The following RBMS3 variants were observed in gnomAD, a reference collection of about 807,000 sequenced individuals.
RBMS3 encodes RNA binding motif single stranded interacting protein 3.
Under a neutral mutation model 66.8 loss-of-function variants are expected in RBMS3, and 27 were observed. The ratio of observed to expected loss-of-function variants is 0.40; its 90% CI spans 0.30 to 0.56. The LOEUF is 0.56. Among genes scored for constraint, RBMS3 ranks in the 20% least tolerant of loss-of-function variants. The pLI is 0.40. For synonymous variants in RBMS3, 188 were observed against 183.0 expected (o/e 1.03, Z -0.22); for missense variants, 513 against 549.5 (o/e 0.93, Z 0.66).
At chr3:29,607,734 G>C (rs370087811) in intron 4 of RBMS3, among the ~76,000 whole-genome samples, 21 of 151,862 alleles carry the variant, frequency 1.4e-4, no homozygotes, top group African/African-American at 4.8e-4. Context: ...GTCTTGCTCT[G>C]TTGTAAGTTT....
chr3:29,710,448 C>T (rs2053113700), intron 4 of RBMS3, among the ~76,000 whole-genome samples: 1 of 152,142 alleles, frequency 6.6e-6, no homozygotes, highest in Non-Finnish European at 1.5e-5. Context: ...CTCAGTAAAC[C>T]TGTGAGAGCT....
chr3:29,357,382 C>T (rs2037289000), intron 1 of RBMS3, among the ~76,000 whole-genome samples: 1 of 152,188 alleles, frequency 6.6e-6, no homozygotes, highest in African/African-American at 2.4e-5. Context: ...ATGAACTCAT[C>T]CTTTTTTATA....
chr3:29,702,401 T>C (rs12495592), intron 4 of RBMS3, among the ~76,000 whole-genome samples: 11,419 of 152,140 alleles, frequency 0.075, 1,416 homozygotes, highest in African/African-American at 0.26. Flanking sequence ...CAGGTCTCTG[T>C]AAAATGGACC....
At chr3:29,937,448 A>G (rs775098167) in intron 11 of RBMS3, among the ~76,000 whole-genome samples, 1 of 152,174 alleles carries the variant, frequency 6.6e-6, no homozygotes, top group African/African-American at 2.4e-5. Flanking sequence ...TTAAGAATAT[A>G]AGAAGTTACT....
chr3:29,544,309 C>A (rs1246532311), intron 3 of RBMS3, among the ~76,000 whole-genome samples: 1 of 151,994 alleles, frequency 6.6e-6, no homozygotes, highest in Non-Finnish European at 1.5e-5. Flanking sequence ...TTAGAAATTA[C>A]TTATTAATTC....
chr3:29,959,015 C>T (rs780535610), intron 12 of RBMS3, among the ~76,000 whole-genome samples: 37 of 152,240 alleles, frequency 2.4e-4, no homozygotes, highest in South Asian at 6.2e-4. Context: ...TGAGAAGATA[C>T]AAGAATTCGA....
In RBMS3 at chr3:29,631,045, C is replaced by T. The variant is rs538133909; in HGVS notation, c.399+43840C>T. Among the ~76,000 whole-genome samples, 8 of 151,972 alleles carry T rather than the reference C, an allele frequency of 5.3e-5. No homozygotes were observed. The East Asian group carries it at 5.8e-4, about 11-fold the overall frequency. ...TTCTAAACTCAGGACCTAATATCCT[C>T]TAATGCTTAGCAAAATTTGAGTATT... is the stretch of plus-strand genomic sequence containing the variant. On this transcript the variant is annotated intron_variant, in intron 4 of 14. Transcript: ENST00000383767.
At chr3:29,693,509 G>A (rs923194155) in intron 4 of RBMS3, among the ~76,000 whole-genome samples, 1 of 151,950 alleles carries the variant, frequency 6.6e-6, no homozygotes, top group Non-Finnish European at 1.5e-5. Context: ...TAAAATTTAG[G>A]GTCCACATTT....
chr3:29,443,419 ATAAT>A (rs1030305959), intron 2 of RBMS3, among the ~76,000 whole-genome samples: 25 of 152,198 alleles, frequency 1.6e-4, no homozygotes, highest in African/African-American at 5.8e-4. Context: ...ATATGAATAA[ATAAT>A]TAAAAAACAT....
chr3:29,604,848 G>A (rs912315854), intron 4 of RBMS3, among the ~76,000 whole-genome samples: 4 of 151,890 alleles, frequency 2.6e-5, no homozygotes. Context: ...CTAGAAGAGT[G>A]GAAATTTGGT....
chr3:29,336,816 A>G (rs913575545), intron 1 of RBMS3, among the ~76,000 whole-genome samples: 9 of 152,134 alleles, frequency 5.9e-5, no homozygotes, highest in Non-Finnish European at 8.8e-5. Flanking sequence ...CTTTGCCATC[A>G]TGTTTTCCTT....
At chr3:29,814,337 G>A (rs965528177) in intron 6 of RBMS3, among the ~76,000 whole-genome samples, 3 of 152,184 alleles carry the variant, frequency 2.0e-5, no homozygotes, top group Non-Finnish European at 2.9e-5. Context: ...AAGCCCACTC[G>A]ATCATGGTGG....
chr3:29,656,188 T>C (rs1446318812), intron 4 of RBMS3, among the ~76,000 whole-genome samples: 1 of 152,154 alleles, frequency 6.6e-6, no homozygotes, highest in African/African-American at 2.4e-5. Flanking sequence ...TATACAGTAG[T>C]CTACAGCAGT....
At chr3:29,442,652 G>T (rs1185160561) in intron 2 of RBMS3, among the ~76,000 whole-genome samples, 1 of 152,088 alleles carries the variant, frequency 6.6e-6, no homozygotes, top group Non-Finnish European at 1.5e-5. Flanking sequence ...GAAAATTTGA[G>T]GGACTTGAGT....
chr3:29,688,310 A>AT (rs757967639), intron 4 of RBMS3, among the ~76,000 whole-genome samples: 6 of 152,104 alleles, frequency 3.9e-5, no homozygotes, highest in Non-Finnish European at 8.8e-5. Flanking sequence ...GATCCAAAAA[A>AT]TACTTATCGC....
intron 12 of RBMS3, among the ~76,000 whole-genome samples, chr3:29,984,058 A>T (rs929640617): frequency 3.3e-5 from 5 of 152,086 alleles, no homozygotes; most frequent in African/African-American, 1.2e-4. Flanking sequence ...AGTCAAACGT[A>T]GGTTTGGTCT....
chr3:29,524,664 G>T (rs2045017491), intron 3 of RBMS3, among the ~76,000 whole-genome samples: 2 of 150,996 alleles, frequency 1.3e-5, no homozygotes, highest in South Asian at 4.2e-4. Flanking sequence ...GGCTGGTCTT[G>T]AACTCCTGAG....
chr3:29,990,548 T>G (rs1303496017), intron 13 of RBMS3, among the ~76,000 whole-genome samples: 1 of 151,734 alleles, frequency 6.6e-6, no homozygotes, highest in Non-Finnish European at 1.5e-5. Context: ...TAAAACTTCT[T>G]GATGACTTTC....
At chr3:29,843,578 T>G (rs1559729808) in intron 6 of RBMS3, among the ~76,000 whole-genome samples, 1 of 152,214 alleles carries the variant, frequency 6.6e-6, no homozygotes, top group African/African-American at 2.4e-5. Flanking sequence ...GCCACGGACG[T>G]TGACCAGGGT....
Sources: gnomAD v4.1 joint callset for allele counts (sites outside exome capture counted in the v4.1 genomes callset) on GRCh38, gnomAD v4.1.1 for gene constraint, MANE v1.5 for transcripts, NCBI Gene and HGNC (gene_info 2026-07-23, HGNC 2026-07-21) for gene names.